Variants in SLC25A21 observed in about 807,000 individuals in gnomAD.
SLC25A21 encodes mitochondrial 2-oxodicarboxylate carrier.
In SLC25A21, 47 loss-of-function variants were observed where a neutral mutation model predicts 43.8. That is an observed-to-expected ratio of 1.07 (90% CI 0.85 to 1.37). The LOEUF (loss-of-function observed/expected upper bound fraction) is 1.37, where lower values mean the gene tolerates loss of function less well. Ranked by LOEUF, SLC25A21 falls within the 40% of genes most tolerant of loss-of-function variation. The pLI, the probability that SLC25A21 is intolerant of heterozygous loss-of-function variation, is 0.00. For missense variants in SLC25A21, 352 were observed against 350.2 expected, an observed-to-expected ratio of 1.00 and a Z score of -0.04; for synonymous variants, 131 against 121.3, an observed-to-expected ratio of 1.08 and a Z score of -0.52.
chr14:36,919,969 A>C (rs1891936216), intron 1 of SLC25A21, among the ~76,000 whole-genome samples: 1 of 152,064 alleles, frequency 6.6e-6, no homozygotes, highest in South Asian at 2.1e-4. Flanking sequence ...TGTGTCCTGA[A>C]GATATTTTGT....
At chr14:36,972,297 G>A (rs540473369) in intron 1 of SLC25A21, among the ~76,000 whole-genome samples, 1 of 152,212 alleles carries the variant, frequency 6.6e-6, no homozygotes, top group South Asian at 2.1e-4. Context: ...ACCTAATGAA[G>A]CACTTCTCAG....
chr14:36,716,654 CCAACGAAT>C (rs1884149770), intron 6 of SLC25A21, among the ~76,000 whole-genome samples: 1 of 152,178 alleles, frequency 6.6e-6, no homozygotes, highest in Non-Finnish European at 1.5e-5. Context: ...CCCAGTACTA[CCAACGAAT>C]CACTGAGATG....
chr14:36,866,919 G>T (rs1432446370), intron 2 of SLC25A21, among the ~76,000 whole-genome samples: 2 of 152,130 alleles, frequency 1.3e-5, no homozygotes, highest in African/African-American at 4.8e-5. Flanking sequence ...GGCTAAATAG[G>T]ATTTATTATT....
intron 1 of SLC25A21, among the ~76,000 whole-genome samples, chr14:36,988,107 A>G (rs890760660): frequency 1.3e-5 from 2 of 152,152 alleles, no homozygotes. Flanking sequence ...CCTTGTGGAG[A>G]GCACAGTCTC....
chr14:36,961,114 C>CA (rs1190774201), intron 1 of SLC25A21, among the ~76,000 whole-genome samples: 1 of 129,484 alleles, frequency 7.7e-6, no homozygotes, highest in Non-Finnish European at 1.8e-5. Context: ...ATACCACAAT[C>CA]AATTAAAAAA....
intron 1 of SLC25A21, among the ~76,000 whole-genome samples, chr14:36,909,910 G>A (rs779933426): frequency 2.6e-5 from 4 of 151,942 alleles, no homozygotes; most frequent in Non-Finnish European, 5.9e-5. Context: ...ACCTAAATAC[G>A]AACATTGGCA....
chr14:37,141,732 T>C (rs554734091), intron 1 of SLC25A21, among the ~76,000 whole-genome samples: 28 of 152,226 alleles, frequency 1.8e-4, no homozygotes, highest in South Asian at 1.4e-3. Context: ...TGAAACAAAA[T>C]ATGTAAGGTA....
chr14:37,020,325 C>T (rs1431777011), intron 1 of SLC25A21, among the ~76,000 whole-genome samples: 2 of 151,590 alleles, frequency 1.3e-5, no homozygotes, highest in African/African-American at 4.8e-5. Context: ...GATACTAGTA[C>T]ATAAATAAGT....
chr14:37,107,798 T>C (rs1288283945), intron 1 of SLC25A21, among the ~76,000 whole-genome samples: 2 of 152,174 alleles, frequency 1.3e-5, no homozygotes, highest in African/African-American at 2.4e-5. Context: ...TACATGTATT[T>C]GTATATACTT....
intron 1 of SLC25A21, among the ~76,000 whole-genome samples, chr14:37,116,443 C>T (rs1206469876): frequency 6.6e-6 from 1 of 152,134 alleles, no homozygotes; most frequent in Non-Finnish European, 1.5e-5. Context: ...ATTTGAAGTC[C>T]TTGGACATGT....
chr14:37,161,626 T>C (rs1271028722), intron 1 of SLC25A21, among the ~76,000 whole-genome samples: 2 of 152,142 alleles, frequency 1.3e-5, no homozygotes, highest in African/African-American at 4.8e-5. Flanking sequence ...ATCCAATGAC[T>C]GGTGTCCTTA....
At chr14:37,087,358 T>G (rs1441112625) in intron 1 of SLC25A21, among the ~76,000 whole-genome samples, 1 of 152,232 alleles carries the variant, frequency 6.6e-6, no homozygotes, top group Non-Finnish European at 1.5e-5. Context: ...TATTTTGTTC[T>G]GCCAACTCAA....
intron 1 of SLC25A21, among the ~76,000 whole-genome samples, chr14:37,083,635 A>G (rs1962429268): frequency 1.3e-5 from 2 of 152,212 alleles, no homozygotes; most frequent in African/African-American, 4.8e-5. Flanking sequence ...TAAAGTGTCT[A>G]AAGTACTGTC....
chr14:37,080,509 AG>A (rs1422503330), intron 1 of SLC25A21, among the ~76,000 whole-genome samples: 1 of 152,160 alleles, frequency 6.6e-6, no homozygotes, highest in Non-Finnish European at 1.5e-5. Context: ...CTGAGGTGGG[AG>A]GATCGCCTGA....
chr14:36,763,142 A>G (rs1886229387), intron 3 of SLC25A21, among the ~76,000 whole-genome samples: 1 of 152,220 alleles, frequency 6.6e-6, no homozygotes, highest in African/African-American at 2.4e-5. Flanking sequence ...ATGCTAACTA[A>G]ATTATATCTA....
intron 1 of SLC25A21, among the ~76,000 whole-genome samples, chr14:36,904,720 C>G (rs1026932992): frequency 1.3e-5 from 2 of 152,162 alleles, no homozygotes; most frequent in African/African-American, 4.8e-5. Flanking sequence ...GGAGGAGGAA[C>G]TGTCAAACAC....
At chr14:37,059,551 T>G (rs565970487) in intron 1 of SLC25A21, among the ~76,000 whole-genome samples, 1 of 152,256 alleles carries the variant, frequency 6.6e-6, no homozygotes, top group East Asian at 1.9e-4. Flanking sequence ...GAGAATTGGG[T>G]TTTTTTAAAT....
chr14:37,015,289 G>T (rs546717946), intron 1 of SLC25A21, among the ~76,000 whole-genome samples: 8,568 of 147,636 alleles, frequency 0.058, 687 homozygotes, highest in African/African-American at 0.19. Context: ...AGAACATGCG[G>T]TGTTTGGTTT....
At chr14:37,021,330 C>T (rs989474164) in intron 1 of SLC25A21, among the ~76,000 whole-genome samples, 7 of 152,002 alleles carry the variant, frequency 4.6e-5, no homozygotes, top group Non-Finnish European at 1.0e-4. Flanking sequence ...ACCTCTTACA[C>T]CAAGTAAATA....
Sources: allele counts gnomAD v4.1 joint callset (sites outside exome capture counted in the v4.1 genomes callset), GRCh38; gene constraint gnomAD v4.1.1; transcripts MANE v1.5; gene names NCBI Gene and HGNC (gene_info 2026-07-23, HGNC 2026-07-21).